Variants in CCDC169 observed in about 807,000 individuals in gnomAD.
CCDC169 encodes coiled-coil domain-containing protein 169.
Under a neutral mutation model 36.0 loss-of-function variants are expected in CCDC169, and 30 were observed. That is an observed-to-expected ratio of 0.83 (90% CI 0.62 to 1.13). CCDC169 has a LOEUF of 1.13. CCDC169 is among the 50% of genes most tolerant of loss of function. CCDC169 has a pLI of 0.00. For missense variants in CCDC169, 245 were observed against 245.9 expected (o/e 1.00, Z 0.03); for synonymous variants, 85 against 81.5 (o/e 1.04, Z -0.23).
At chr13:36,287,997 CTTT>C (rs2138632197) in intron 2 of CCDC169, among the ~76,000 whole-genome samples, 1 of 152,034 alleles carries the variant, frequency 6.6e-6, no homozygotes, top group South Asian at 2.1e-4. Flanking sequence ...AGGGAAATAA[CTTT>C]ATTATTTATT....
intron 7 of CCDC169, among the ~76,000 whole-genome samples, chr13:36,239,892 C>T (rs970105373): frequency 6.6e-5 from 10 of 152,036 alleles, no homozygotes; most frequent in African/African-American, 1.7e-4. Flanking sequence ...GTACAATAAG[C>T]TATTTTGAGA....
At chr13:36,226,962 A>G, downstream of CCDC169, 1 of 424,238 alleles carries the variant, frequency 2.4e-6, no homozygotes, top group African/African-American at 2.0e-5. Flanking sequence ...TGAAATAAAT[A>G]ACAACGAAGA....
intron 2 of CCDC169, among the ~76,000 whole-genome samples, chr13:36,286,157 C>A (rs1878228890): frequency 6.6e-6 from 1 of 152,134 alleles, no homozygotes; most frequent in Non-Finnish European, 1.5e-5. Flanking sequence ...GCTAGCTGAC[C>A]CATGGCTAGG....
chr13:36,227,174 T>C, downstream of CCDC169: 3 of 1,353,078 alleles, frequency 2.2e-6, no homozygotes, highest in Non-Finnish European at 2.0e-6. Flanking sequence ...ATCCTGGGGG[T>C]GGTGCACATG....
chr13:36,233,994 T>C (rs1045287877), intron 7 of CCDC169, among the ~76,000 whole-genome samples: 10 of 152,182 alleles, frequency 6.6e-5, no homozygotes, highest in Non-Finnish European at 1.3e-4. Flanking sequence ...CTGACACATT[T>C]AAAAGTCTGA....
At chr13:36,259,131 G>C (rs1359203655) in intron 4 of CCDC169, among the ~76,000 whole-genome samples, 1 of 152,162 alleles carries the variant, frequency 6.6e-6, no homozygotes, top group Non-Finnish European at 1.5e-5. Flanking sequence ...AGTCTATGTA[G>C]GCAGCAGGAC....
intron 4 of CCDC169, chr13:36,282,864 C>T (rs1170831853): frequency 6.6e-6 from 1 of 152,560 alleles, no homozygotes; most frequent in Admixed American, 6.5e-5. Flanking sequence ...TGCTACTCTC[C>T]ACAAGGGTGG....
chr13:36,277,174 G>GGAGC (rs1382053929), intron 4 of CCDC169, among the ~76,000 whole-genome samples: 1 of 152,084 alleles, frequency 6.6e-6, no homozygotes, highest in Non-Finnish European at 1.5e-5. Context: ...GGATATGGAT[G>GGAGC]GAGCTGAAAG....
Position 36,274,001 on chromosome 13 carries a change from A to G in CCDC169, c.315+9468T>C, listed in dbSNP as rs116228996. On this transcript the variant is annotated intron_variant, in intron 4 of 7. Coordinates refer to ENST00000239859, the MANE Select transcript of CCDC169 (RefSeq NM_001144981.3). ...CAGTTAGCCTCAGCATTGCCCCCAC[A>G]CACAGTTACAGCTGGTGTGGCCCAG... Among the ~76,000 whole-genome samples, 500 of 152,240 alleles carry G rather than the reference A, an allele frequency of 3.3e-3. 3 individuals are homozygous for G. Among genetic ancestry groups the G allele is most frequent in the African/African-American group, 0.011 (472 of 41,524 alleles).
downstream of CCDC169, among the ~76,000 whole-genome samples, chr13:36,228,707 C>T (rs1049526057): frequency 2.0e-5 from 3 of 152,078 alleles, no homozygotes; most frequent in African/African-American, 7.2e-5. Context: ...CGTGTCACCA[C>T]AACTGGTTAA....
chr13:36,227,475 T>TAC (rs138475016), downstream of CCDC169: 84 of 1,142,276 alleles, frequency 7.4e-5, no homozygotes, highest in East Asian at 2.2e-4. Context: ...ATTGTATTTT[T>TAC]ACACACACAC....
chr13:36,258,737 C>A, intron 4 of CCDC169, among the ~76,000 whole-genome samples: 1 of 125,738 alleles, frequency 8.0e-6, no homozygotes, highest in East Asian at 2.3e-4. Flanking sequence ...CAAAAATAGC[C>A]AACCAGCACC....
chr13:36,226,168 G>C (rs1331731996), downstream of CCDC169: 4 of 152,162 alleles, frequency 2.6e-5, no homozygotes, highest in African/African-American at 4.8e-5. Context: ...CAATAGTAAA[G>C]ATACAGAATC....
chr13:36,256,545 G>T (rs1180191452), intron 4 of CCDC169, among the ~76,000 whole-genome samples: 2 of 124,262 alleles, frequency 1.6e-5, no homozygotes, highest in Non-Finnish European at 3.9e-5. Context: ...CCCTTGACAT[G>T]TGGGAATATT....
At chr13:36,261,417 CA>C (rs752400574) in intron 4 of CCDC169, among the ~76,000 whole-genome samples, 4 of 152,200 alleles carry the variant, frequency 2.6e-5, no homozygotes, top group Non-Finnish European at 5.9e-5. Context: ...CTTCCAACCT[CA>C]AAAGAGCAAC....
chr13:36,264,793 C>T (rs571629138), intron 4 of CCDC169, among the ~76,000 whole-genome samples: 12 of 152,296 alleles, frequency 7.9e-5, no homozygotes, highest in Non-Finnish European at 1.6e-4. Flanking sequence ...TCTTATGTGT[C>T]AGGCATTGTG....
intron 4 of CCDC169, chr13:36,280,225 A>C (rs3748309): frequency 2.0e-5 from 3 of 151,922 alleles, no homozygotes; most frequent in Non-Finnish European, 4.4e-5. Flanking sequence ...CCTTGCCTAT[A>C]AAAAGGAAAC....
At chr13:36,292,409 G>C (rs1487609115) in intron 2 of CCDC169, among the ~76,000 whole-genome samples, 2 of 151,644 alleles carry the variant, frequency 1.3e-5, no homozygotes, top group African/African-American at 4.8e-5. Context: ...AATTCTTCTT[G>C]CTTAAAAAAA....
At chr13:36,229,306 T>G (rs909194741), downstream of CCDC169, among the ~76,000 whole-genome samples, 1 of 152,070 alleles carries the variant, frequency 6.6e-6, no homozygotes, top group African/African-American at 2.4e-5. Context: ...CTCTCAACAT[T>G]CCATCATTCT....
Sources: allele counts gnomAD v4.1 joint callset (sites outside exome capture counted in the v4.1 genomes callset), GRCh38; gene constraint gnomAD v4.1.1; transcripts MANE v1.5; gene names NCBI Gene and HGNC (gene_info 2026-07-23, HGNC 2026-07-21).